The following SERPINB10 variants were observed in gnomAD, a reference collection of about 807,000 sequenced individuals.
SERPINB10 encodes serpin family B member 10, also known as serpin B10.
A neutral mutation model predicts 39.1 loss-of-function variants in SERPINB10; 35 were observed. The observed-to-expected ratio is 0.90, with a 90% CI of 0.68 to 1.19. The LOEUF (loss-of-function observed/expected upper bound fraction) is 1.19. Among genes scored for constraint, SERPINB10 ranks in the 50% most tolerant of loss-of-function variants. The probability of loss-of-function intolerance (pLI) is 0.00; values close to 1 mark genes in which losing one functional copy is unlikely to be tolerated. For synonymous variants in SERPINB10, 190 were observed against 158.1 expected (o/e 1.20, Z -1.52); for missense variants, 546 against 460.5 (o/e 1.19, Z -1.70).
chr18:63,911,888 C>T (rs4292015), intron 1 of SERPINB10, among the ~76,000 whole-genome samples: 39,516 of 151,814 alleles, frequency 0.26, 5,789 homozygotes, highest in African/African-American at 0.39. Flanking sequence ...TTTAACAATA[C>T]TGATGTTTCC....
intron 1 of SERPINB10, among the ~76,000 whole-genome samples, chr18:63,911,040 A>T (rs1334443209): frequency 6.6e-6 from 1 of 152,032 alleles, no homozygotes; most frequent in Non-Finnish European, 1.5e-5. Context: ...TTCTCTAATG[A>T]TTAATGATGT....
chr18:63,918,102 T>C lies in SERPINB10; in HGVS notation c.372T>C (p.Asn124=), dbSNP rs1296739302. ...GAGAGAAAACGTATGCATTTCACAA[T>C]GTAAGTGCAAATGTCTTATTTTAAG... ...IYGEKTYAFH[N]KYLEDMKTYF... The change falls in exon 4 of 8, where the codon AAT becomes AAC. Residue 124 remains asparagine (N), a splice_region_variant and synonymous_variant. Transcript: ENST00000238508. The C allele has an allele frequency of 1.2e-6, 2 of 1,611,888 alleles. No individual in the cohort carries two copies. Among genetic ancestry groups the C allele is most frequent in the South Asian group, 1.1e-5 (1 of 90,996 alleles).
chr18:63,915,057 A>T (rs2144720916), intron 1 of SERPINB10, among the ~76,000 whole-genome samples: 1 of 152,200 alleles, frequency 6.6e-6, no homozygotes, highest in South Asian at 2.1e-4. Flanking sequence ...AGTAATAAAT[A>T]TTTACAAGCA....
intron 3 of SERPINB10, among the ~76,000 whole-genome samples, 183 bp downstream of exon 3, chr18:63,917,704 C>T (rs1030302605): frequency 4.6e-5 from 7 of 151,966 alleles, no homozygotes; most frequent in Admixed American, 3.9e-4. Flanking sequence ...CTTGTCCCCA[C>T]GCCCTTTTAA....
chr18:63,919,236 A>ATTTT (rs397969917), intron 4 of SERPINB10, among the ~76,000 whole-genome samples: 5,348 of 142,840 alleles, frequency 0.037, 398 homozygotes, highest in African/African-American at 0.13. Context: ...TGAAGGCCTC[A>ATTTT]TTTTTTTTTT....
At chr18:63,930,677 C>A (rs1394812528) in intron 6 of SERPINB10, among the ~76,000 whole-genome samples, 1 of 152,074 alleles carries the variant, frequency 6.6e-6, no homozygotes. Context: ...GGCCTTGGGA[C>A]CTGATTGGAA....
At chr18:63,927,084 T>C (rs2050186898) in intron 5 of SERPINB10, among the ~76,000 whole-genome samples, 1 of 152,010 alleles carries the variant, frequency 6.6e-6, no homozygotes, top group African/African-American at 2.4e-5. Context: ...TCCTTTTATA[T>C]AATATCTCAT....
rs2050256295 is a variant in SERPINB10 at position 63,935,433 on chromosome 18, A to AT, written c.*196dup. 1 of 526,698 alleles carries AT rather than the reference A, an allele frequency of 1.9e-6. No homozygotes were observed. Among genetic ancestry groups the AT allele is most frequent in the Non-Finnish European group, 3.2e-6 (1 of 313,202 alleles). 32.6% of individuals were successfully genotyped at this position (526,698 alleles called of 1,614,324 possible). On this transcript the variant is annotated 3_prime_UTR_variant, in exon 8 of 8. Transcript: ENST00000238508. ...ATCTGTACAGCTGGAGAGAATGACG[A>AT]TTTTTATTTTTAACACGTTAACATT... is the stretch of plus-strand genomic sequence containing the variant.
At chr18:63,926,946 GAAGAT>G (rs2050185724) in intron 5 of SERPINB10, among the ~76,000 whole-genome samples, 1 of 151,946 alleles carries the variant, frequency 6.6e-6, no homozygotes, top group Admixed American at 6.6e-5. Context: ...TTTATTGTTA[GAAGAT>G]AAGAAGATAA....
intron 5 of SERPINB10, among the ~76,000 whole-genome samples, chr18:63,921,767 C>T (rs2050148458): frequency 6.6e-6 from 1 of 151,918 alleles, no homozygotes; most frequent in Non-Finnish European, 1.5e-5. Context: ...ACTGTGGAGC[C>T]TTGCTTGTCT....
chr18:63,917,398 T>A, intron 2 of SERPINB10, 58 bp from the exon 3 acceptor site: 1 of 997,736 alleles, frequency 1.0e-6, no homozygotes, highest in Non-Finnish European at 1.5e-6. Flanking sequence ...AGATGATGTA[T>A]GATTTATATA....
At position 63,915,784 on chromosome 18, in the gene SERPINB10, T is replaced by A. The variant is rs979367701; in HGVS notation, c.168+106T>A. On this transcript the variant is annotated intron_variant, in intron 2 of 7. Transcript: ENST00000238508. ...CAACTCAATAATTTACATTTCACAA[T>A]AACATTCTCTAAAACAAGACATACA... 9.3e-6 allele frequency: 9 copies of A among 968,262 alleles called. No individual in the cohort carries two copies. The African/African-American group carries it at 1.3e-4, about 14-fold the overall frequency. 60.0% of individuals were successfully genotyped at this position (968,262 alleles called of 1,614,324 possible).
At chr18:63,932,297 G>A (rs2050228474) in intron 6 of SERPINB10, among the ~76,000 whole-genome samples, 3 of 152,162 alleles carry the variant, frequency 2.0e-5, no homozygotes, top group South Asian at 2.1e-4. Context: ...GCATCGTATG[G>A]TAAGACTAGG....
intron 6 of SERPINB10, 33 bp downstream of exon 6, chr18:63,930,220 C>T (rs779832468): frequency 6.2e-7 from 1 of 1,604,824 alleles, no homozygotes; most frequent in South Asian, 1.1e-5. Context: ...TTTGGATTTT[C>T]ACATGGCATT....
chr18:63,918,969 T>C (rs577121964), intron 4 of SERPINB10, among the ~76,000 whole-genome samples: 12 of 152,134 alleles, frequency 7.9e-5, no homozygotes, highest in African/African-American at 2.2e-4. Flanking sequence ...CTCAAAAATA[T>C]TTAAGTTTTC....
chr18:63,912,554 G>A (rs1449724004), intron 1 of SERPINB10, among the ~76,000 whole-genome samples: 1 of 151,796 alleles, frequency 6.6e-6, no homozygotes, highest in Admixed American at 6.6e-5. Flanking sequence ...GATGTTTTTT[G>A]TTTTTAATTG....
intron 3 of SERPINB10, 42 bp from the exon 4 acceptor site, chr18:63,917,923 C>A (rs1462537164): frequency 6.3e-7 from 1 of 1,588,820 alleles, no homozygotes; most frequent in East Asian, 2.2e-5. Context: ...GTACGTAACT[C>A]TTGTTCAACA....
At chr18:63,929,734 G>GGGTT (rs2050207313) in intron 5 of SERPINB10, among the ~76,000 whole-genome samples, 12 of 113,842 alleles carry the variant, frequency 1.1e-4, no homozygotes, top group Non-Finnish European at 1.7e-4. Flanking sequence ...AAAAAAAAAA[G>GGGTT]AAAAAAAAAA....
chr18:63,929,991 T>C, intron 5 of SERPINB10, 54 bp from the exon 6 acceptor site: 1 of 1,571,620 alleles, frequency 6.4e-7, no homozygotes, highest in Non-Finnish European at 8.6e-7. Flanking sequence ...TTGTCTTTAG[T>C]TAAAATATAC....
Sources: allele counts gnomAD v4.1 joint callset (sites outside exome capture counted in the v4.1 genomes callset), GRCh38; gene constraint gnomAD v4.1.1; transcripts MANE v1.5; gene names NCBI Gene and HGNC (gene_info 2026-07-23, HGNC 2026-07-21).